Variants in CCDC7 observed in about 807,000 individuals in gnomAD.
The protein encoded by CCDC7 is coiled-coil domain-containing protein 7.
In CCDC7, 183 loss-of-function variants were observed where a neutral mutation model predicts 196.9. The observed-to-expected ratio is 0.93, with a 90% CI of 0.82 to 1.05. The LOEUF (loss-of-function observed/expected upper bound fraction) is 1.05, where lower values mean the gene tolerates loss of function less well. Among genes scored for constraint, CCDC7 ranks in the 50% least tolerant of loss-of-function variants. CCDC7 has a pLI of 0.00. For missense variants in CCDC7, 1,540 were observed against 1,482.2 expected (o/e 1.04, Z -0.64); for synonymous variants, 525 against 484.6 (o/e 1.08, Z -1.10).
intron 11 of CCDC7, among the ~76,000 whole-genome samples, chr10:32,529,191 T>G (rs1251569409): frequency 6.6e-6 from 1 of 151,952 alleles, no homozygotes; most frequent in Non-Finnish European, 1.5e-5. Flanking sequence ...CCTGGCTAAT[T>G]TTTGTATTTT....
intron 20 of CCDC7, among the ~76,000 whole-genome samples, chr10:32,654,579 T>C (rs1260066863): frequency 6.6e-6 from 1 of 152,212 alleles, no homozygotes; most frequent in Non-Finnish European, 1.5e-5. Context: ...AGCTTAGTGA[T>C]CAGCTAATGA....
intron 9 of CCDC7, among the ~76,000 whole-genome samples, chr10:32,509,371 G>C (rs11818988): frequency 0.052 from 7,961 of 152,008 alleles, 685 homozygotes; most frequent in African/African-American, 0.18. Context: ...GAATGATGTT[G>C]GACCTTCATG....
chr10:32,544,580 A>G (rs1161373141), intron 13 of CCDC7: 3 of 228,248 alleles, frequency 1.3e-5, no homozygotes, highest in African/African-American at 2.3e-5. Context: ...AGGCAATACC[A>G]TGGAGGAAAG....
chr10:32,759,868 A>C lies in CCDC7; in HGVS notation c.2906-19109A>C, dbSNP rs547354131. On this transcript the variant is annotated intron_variant, in intron 28 of 41. Coordinates refer to ENST00000639629, the Ensembl canonical transcript of CCDC7. ...CTTCTGACAAAGGGCTAATATCCAGAATCTACAATGAACTCAAACAAATTT... is the reference window on the plus strand; with the variant it reads ...CTTCTGACAAAGGGCTAATATCCAGCATCTACAATGAACTCAAACAAATTT... Among the ~76,000 whole-genome samples, 361 of 152,318 alleles carry C rather than the reference A, an allele frequency of 2.4e-3. 2 individuals carry two copies. The highest frequency in any genetic ancestry group is 8.3e-3 in the African/African-American group (343 of 41,574).
chr10:32,724,109 G>T (rs1389398345), intron 25 of CCDC7, among the ~76,000 whole-genome samples: 1 of 152,122 alleles, frequency 6.6e-6, no homozygotes, highest in Non-Finnish European at 1.5e-5. Context: ...GACCTGAAAA[G>T]CTTATATATA....
chr10:32,490,128 T>C (rs748801448), intron 8 of CCDC7, among the ~76,000 whole-genome samples: 1 of 152,194 alleles, frequency 6.6e-6, no homozygotes, highest in Non-Finnish European at 1.5e-5. Context: ...TCCAGCTGTC[T>C]CTGGTATGCT....
intron 20 of CCDC7, among the ~76,000 whole-genome samples, chr10:32,650,368 T>C (rs1287116359): frequency 6.6e-6 from 1 of 152,186 alleles, no homozygotes; most frequent in Non-Finnish European, 1.5e-5. Flanking sequence ...CACATTTCCT[T>C]TGTGCATCTT....
At chr10:32,871,920 T>A (rs538167526) in intron 41 of CCDC7, among the ~76,000 whole-genome samples, 11 of 152,270 alleles carry the variant, frequency 7.2e-5, no homozygotes, top group East Asian at 1.9e-4. Context: ...TTTGAGTGAG[T>A]TCCTTAATCC....
At chr10:32,852,506 G>A (rs541256811) in intron 40 of CCDC7, among the ~76,000 whole-genome samples, 6 of 151,748 alleles carry the variant, frequency 4.0e-5, no homozygotes, top group Non-Finnish European at 5.9e-5. Context: ...TTTTATAAAC[G>A]GAGTCTTGCT....
At chr10:32,567,882 A>G in exon 15 of CCDC7, 1 of 1,612,900 alleles carries the variant, frequency 6.2e-7, no homozygotes. Flanking sequence ...AAATCCAAGA[A>G]TATCCACAGG....
intron 28 of CCDC7, among the ~76,000 whole-genome samples, chr10:32,769,783 T>C (rs112424505): frequency 0.2 from 29,893 of 152,076 alleles, 4,644 homozygotes; most frequent in African/African-American, 0.44. Flanking sequence ...TTTCCAGCTT[T>C]ATCCATGTCC....
intron 24 of CCDC7, among the ~76,000 whole-genome samples, chr10:32,710,329 G>T (rs764605825): frequency 2.0e-5 from 3 of 152,164 alleles, no homozygotes; most frequent in African/African-American, 7.2e-5. Flanking sequence ...GTCTGTCATT[G>T]CCTGGTACCT....
In CCDC7 at chr10:32,777,729, T is replaced by G. The variant is rs2080322015; in HGVS notation, c.2906-1248T>G. On this transcript the variant is annotated intron_variant, in intron 28 of 41. Transcript: ENST00000639629. ...AAAAAAAAAAATTAGCCAGGTATGG[T>G]GGCATGCGCCTGTAATCCCAGCTAC... is the stretch of plus-strand genomic sequence containing the variant. Among the ~76,000 whole-genome samples, 5 of 150,694 alleles carry G rather than the reference T, an allele frequency of 3.3e-5. No individual in the cohort carries two copies. In the South Asian group the frequency reaches 1.0e-3, roughly 31 times the overall value.
At chr10:32,445,126 T>A (rs2030659696), upstream of CCDC7, among the ~76,000 whole-genome samples, 1 of 152,212 alleles carries the variant, frequency 6.6e-6, no homozygotes, top group Admixed American at 6.5e-5. Flanking sequence ...GTGCTGGGAT[T>A]ACAGGTGCGA....
chr10:32,610,266 G>A (rs1366222028), intron 18 of CCDC7, among the ~76,000 whole-genome samples: 4 of 151,914 alleles, frequency 2.6e-5, no homozygotes, highest in African/African-American at 4.8e-5. Flanking sequence ...CACCACACCC[G>A]GCTAATTTTT....
chr10:32,714,738 G>C (rs1372969392), intron 25 of CCDC7, among the ~76,000 whole-genome samples: 1 of 152,188 alleles, frequency 6.6e-6, no homozygotes, highest in Non-Finnish European at 1.5e-5. Context: ...ACTGAGGCTT[G>C]AGTAGGTGGT....
chr10:32,657,393 C>A (rs1297269409), intron 20 of CCDC7, among the ~76,000 whole-genome samples: 1 of 152,272 alleles, frequency 6.6e-6, no homozygotes, highest in Non-Finnish European at 1.5e-5. Context: ...TCCGTACATC[C>A]TCTGAAATCT....
At chr10:32,821,500 T>G (rs551521763) in intron 31 of CCDC7, among the ~76,000 whole-genome samples, 12 of 152,242 alleles carry the variant, frequency 7.9e-5, no homozygotes, top group Admixed American at 2.6e-4. Flanking sequence ...CTGCTATAAA[T>G]ACACATGCAC....
At chr10:32,732,944 T>C (rs913026201) in intron 28 of CCDC7, among the ~76,000 whole-genome samples, 12 of 152,142 alleles carry the variant, frequency 7.9e-5, no homozygotes, top group Non-Finnish European at 1.8e-4. Flanking sequence ...ATTATAGTTC[T>C]TTTTTAAATC....
Sources: gnomAD v4.1 joint callset for allele counts (sites outside exome capture counted in the v4.1 genomes callset) on GRCh38, gnomAD v4.1.1 for gene constraint, MANE v1.5 for transcripts, NCBI Gene and HGNC (gene_info 2026-07-23, HGNC 2026-07-21) for gene names.